The following EML1 variants were observed in gnomAD, a reference collection of about 807,000 sequenced individuals.
EML1 encodes EMAP like 1.
EML1 carries 27 observed loss-of-function variants against 110.4 expected under a neutral mutation model. The observed-to-expected ratio is 0.24, with a 90% CI of 0.18 to 0.34. The LOEUF (loss-of-function observed/expected upper bound fraction) is 0.34, where lower values mean the gene tolerates loss of function less well. Among genes scored for constraint, EML1 ranks in the 10% least tolerant of loss-of-function variants. EML1 has a pLI of 1.00. For missense variants in EML1, 741 were observed against 1,030.9 expected (o/e 0.72, Z 3.85); for synonymous variants, 344 against 385.8 (o/e 0.89, Z 1.27).
chr14:99,858,201 TAGGCA>T (rs2058938376), intron 2 of EML1, among the ~76,000 whole-genome samples: 3 of 150,672 alleles, frequency 2.0e-5, no homozygotes, highest in African/African-American at 7.4e-5. Context: ...TTTTTTTTTT[TAGGCA>T]GAGTTTTTGC....
chr14:99,897,568 C>T (rs568232162), intron 7 of EML1, among the ~76,000 whole-genome samples: 183 of 152,218 alleles, frequency 1.2e-3, no homozygotes, highest in Non-Finnish European at 2.2e-3. Context: ...CTCACTACTG[C>T]GCTCCGTGAG....
upstream of EML1, among the ~76,000 whole-genome samples, chr14:99,788,988 T>A (rs541435373): frequency 7.9e-5 from 12 of 152,138 alleles, no homozygotes; most frequent in Admixed American, 1.3e-4. Flanking sequence ...TGTATCAGAA[T>A]TCCCTTCCTT....
At chr14:99,924,455 G>A (rs911822712) in intron 17 of EML1, among the ~76,000 whole-genome samples, 1 of 152,152 alleles carries the variant, frequency 6.6e-6, no homozygotes, top group Non-Finnish European at 1.5e-5. Flanking sequence ...AAAGTTAAAT[G>A]TATAAATCAG....
intron 19 of EML1, 106 bp from the exon 20 acceptor site, chr14:99,937,711 A>T: frequency 1.1e-6 from 1 of 939,560 alleles, no homozygotes. Context: ...CTCCCTCTCC[A>T]GGAAGGGCTC....
intron 1 of EML1, among the ~76,000 whole-genome samples, chr14:99,826,356 G>A (rs76949205): frequency 0.01 from 1,560 of 152,096 alleles, 29 homozygotes; most frequent in African/African-American, 0.036. Flanking sequence ...CATGTGATCC[G>A]CCTCCCTCAG....
intron 1 of EML1, among the ~76,000 whole-genome samples, chr14:99,753,555 C>T (rs1024918289): frequency 6.6e-6 from 1 of 151,996 alleles, no homozygotes; most frequent in African/African-American, 2.4e-5. Context: ...TCCCTCTACT[C>T]CCTCCCTGGC....
intron 4 of EML1, among the ~76,000 whole-genome samples, chr14:99,881,825 T>C (rs2059389942): frequency 6.6e-6 from 1 of 152,152 alleles, no homozygotes; most frequent in Non-Finnish European, 1.5e-5. Context: ...GGTCTCGATC[T>C]CTTGACCTTG....
upstream of EML1, among the ~76,000 whole-genome samples, chr14:99,771,410 C>T (rs2057427094): frequency 1.3e-5 from 2 of 152,240 alleles, no homozygotes; most frequent in African/African-American, 4.8e-5. Context: ...GAGTACTTCA[C>T]TCCTTTTATG....
intron 1 of EML1, among the ~76,000 whole-genome samples, chr14:99,826,105 A>ATTTTTTTTTTTTTTTTTT (rs71113225): frequency 1.3e-5 from 1 of 79,962 alleles, no homozygotes; most frequent in African/African-American, 5.1e-5. Flanking sequence ...CTGTGCATTG[A>ATTTTTTTTTTTTTTTTTT]TTTTTTTTTT....
Position 99,824,018 on chromosome 14 carries a change from G to A in EML1, c.68-26835G>A, listed in dbSNP as rs529825575. ...CCAGGCTGGAATGGAGTGCCGTGGC[G>A]CGATCTCGGTTCACTGCAACCTCTG... is the stretch of plus-strand genomic sequence containing the variant. On this transcript the variant is annotated intron_variant, in intron 1 of 21. Transcript: ENST00000262233. 8.5e-5 allele frequency among the ~76,000 whole-genome samples: 13 copies of A among 152,214 alleles called. No individual in the cohort carries two copies. In the South Asian group the frequency reaches 1.2e-3, roughly 15 times the overall value.
intron 1 of EML1, among the ~76,000 whole-genome samples, chr14:99,842,734 A>T (rs2058651981): frequency 6.6e-6 from 1 of 152,210 alleles, no homozygotes; most frequent in Admixed American, 6.5e-5. Context: ...GACCACAGTG[A>T]TGCTAAAGTT....
At chr14:99,739,065 A>AGAGTGT (rs1555385383) in intron 1 of EML1, among the ~76,000 whole-genome samples, 1 of 138,918 alleles carries the variant, frequency 7.2e-6, no homozygotes, top group South Asian at 2.4e-4. Context: ...AGAGTGTGAG[A>AGAGTGT]GTGTGTGTGT....
intron 3 of EML1, among the ~76,000 whole-genome samples, chr14:99,872,699 G>C (rs757779969): frequency 6.6e-6 from 1 of 152,180 alleles, no homozygotes; most frequent in Non-Finnish European, 1.5e-5. Flanking sequence ...CTGTGGTAAA[G>C]TTCCTATAGA....
rs2058788806 is a variant in EML1 at position 99,851,036 on chromosome 14, G to A, written c.250+1G>A. ...CTTAACAGGAAAGGACCTACCAAAG[G>A]TGGGCGTTTGAGTGACACAGGAACT... On this transcript the variant is annotated splice_donor_variant, in intron 2 of 21. Coordinates refer to ENST00000262233, the MANE Select transcript of EML1 (RefSeq NM_004434.3). LOFTEE classifies it high-confidence loss of function. 1.2e-6 allele frequency: 2 copies of A among 1,608,524 alleles called. No homozygotes were observed. The highest frequency in any genetic ancestry group is 1.7e-6 in the Non-Finnish European group (2 of 1,175,892).
chr14:99,755,645 C>T (rs746174341), intron 1 of EML1, among the ~76,000 whole-genome samples: 7 of 152,172 alleles, frequency 4.6e-5, no homozygotes, highest in Non-Finnish European at 8.8e-5. Flanking sequence ...TTTCCCATTC[C>T]GTGGTCACTT....
chr14:99,782,009 G>A (rs564326730), intron 1 of EML1, among the ~76,000 whole-genome samples: 7 of 152,278 alleles, frequency 4.6e-5, no homozygotes, highest in African/African-American at 7.2e-5. Context: ...GGGCAAGCAC[G>A]GCTAAACCCG....
chr14:99,894,827 G>A, intron 6 of EML1, 69 bp downstream of exon 6: 5 of 1,488,764 alleles, frequency 3.4e-6, no homozygotes, highest in Middle Eastern at 1.8e-4. Context: ...GTTAACTGTA[G>A]AAATTCATAA....
chr14:99,855,787 A>C (rs1027662621), intron 2 of EML1, among the ~76,000 whole-genome samples: 2 of 152,214 alleles, frequency 1.3e-5, no homozygotes, highest in African/African-American at 4.8e-5. Flanking sequence ...TATTGGCTTC[A>C]TTAATTAATG....
intron 1 of EML1, among the ~76,000 whole-genome samples, chr14:99,814,361 G>A (rs535538824): frequency 9.2e-5 from 14 of 152,140 alleles, no homozygotes; most frequent in Admixed American, 4.6e-4. Context: ...CTATAATCTC[G>A]AACTCCTGGG....
Sources: gnomAD v4.1 joint callset for allele counts (sites outside exome capture counted in the v4.1 genomes callset) on GRCh38, gnomAD v4.1.1 for gene constraint, MANE v1.5 for transcripts, NCBI Gene and HGNC (gene_info 2026-07-23, HGNC 2026-07-21) for gene names.